The following PPP1R12B variants were observed in gnomAD, a reference collection of about 807,000 sequenced individuals.
The protein encoded by PPP1R12B is protein phosphatase 1 regulatory subunit 12B.
A neutral mutation model predicts 126.1 loss-of-function variants in PPP1R12B; 76 were observed. That is an observed-to-expected ratio of 0.60 (90% CI 0.50 to 0.73). PPP1R12B has a LOEUF of 0.73. Among genes scored for constraint, PPP1R12B ranks in the 30% least tolerant of loss-of-function variants. PPP1R12B has a pLI of 0.00. For missense variants in PPP1R12B, 1,052 were observed against 1,205.1 expected (o/e 0.87, Z 1.88); for synonymous variants, 356 against 434.7 (o/e 0.82, Z 2.25).
Position 202,449,165 on chromosome 1 carries a change from A to G in PPP1R12B, c.1844A>G (p.Lys615Arg). The change falls in exon 13 of 24, where the codon AAG becomes AGG. Residue 615 changes from lysine (K) to arginine (R), a missense_variant. By Grantham distance (26) the Lys-to-Arg change is conservative (BLOSUM62 2). Coordinates refer to ENST00000608999, the MANE Select transcript of PPP1R12B (RefSeq NM_002481.4). ...GTDSSVEAREKRRSYLTPVRD... is the reference protein window; with the variant it reads ...GTDSSVEARERRRSYLTPVRD... ...GATTCCTCTGTGGAAGCCAGGGAGAAGAGGAGGTATGTTGAGTTACTGATT... is the reference window on the plus strand; with the variant it reads ...GATTCCTCTGTGGAAGCCAGGGAGAGGAGGAGGTATGTTGAGTTACTGATT... 1 of 1,599,688 alleles carries G rather than the reference A, an allele frequency of 6.3e-7. No individual in the cohort carries two copies. Among genetic ancestry groups the G allele is most frequent in the Non-Finnish European group, 8.5e-7 (1 of 1,171,950 alleles).
chr1:202,577,768 C>T (rs1382615155), intron 23 of PPP1R12B, among the ~76,000 whole-genome samples: 2 of 152,094 alleles, frequency 1.3e-5, no homozygotes, highest in African/African-American at 2.4e-5. Flanking sequence ...CTTTAGGACC[C>T]CTGTAGCCCC....
At chr1:202,420,677 G>T (rs1335817162) in intron 2 of PPP1R12B, among the ~76,000 whole-genome samples, 1 of 152,140 alleles carries the variant, frequency 6.6e-6, no homozygotes, top group Non-Finnish European at 1.5e-5. Context: ...TTGAATATGT[G>T]GAAATGAAGG....
At chr1:202,561,442 G>A (rs1008635517) in intron 19 of PPP1R12B, among the ~76,000 whole-genome samples, 7 of 151,412 alleles carry the variant, frequency 4.6e-5, no homozygotes, top group South Asian at 4.2e-4. Flanking sequence ...AGATGTCCAC[G>A]GTCATAGTGG....
At chr1:202,512,531 A>G (rs1192340039) in intron 18 of PPP1R12B, among the ~76,000 whole-genome samples, 1 of 152,220 alleles carries the variant, frequency 6.6e-6, no homozygotes, top group Admixed American at 6.5e-5. Context: ...TGGAAAAGTA[A>G]TTTAACCTCT....
In PPP1R12B at chr1:202,349,205, G is replaced by C. The variant is rs563978654; in HGVS notation, c.291+63G>C. On this transcript the variant is annotated intron_variant, in intron 1 of 23. Coordinates refer to ENST00000608999, the MANE Select transcript of PPP1R12B (RefSeq NM_002481.4). ...TACAGATGAGCCTTTGACCCTGCGA[G>C]CCACCCCATGGGGAGTATCAGTGTT... The C allele has an allele frequency of 6.7e-4, 1,067 of 1,581,494 alleles. 5 individuals carry two copies. The African/African-American group carries it at 0.01, about 15-fold the overall frequency.
chr1:202,390,103 G>C (rs1663894869), intron 1 of PPP1R12B, among the ~76,000 whole-genome samples: 1 of 152,102 alleles, frequency 6.6e-6, no homozygotes, highest in African/African-American at 2.4e-5. Context: ...GTACATCAAT[G>C]GAATAGAATT....
intron 1 of PPP1R12B, among the ~76,000 whole-genome samples, chr1:202,355,114 AG>A (rs1656828317): frequency 6.6e-6 from 1 of 151,984 alleles, no homozygotes; most frequent in Admixed American, 6.6e-5. Flanking sequence ...CATGTTGGCC[AG>A]GCTGGTCTTG....
At chr1:202,360,371 T>TA (rs1005374998) in intron 1 of PPP1R12B, among the ~76,000 whole-genome samples, 3 of 152,146 alleles carry the variant, frequency 2.0e-5, no homozygotes, top group African/African-American at 7.2e-5. Flanking sequence ...CACAAGAAGC[T>TA]CCTTGTATTG....
At chr1:202,475,571 A>C (rs1676525941) in intron 13 of PPP1R12B, among the ~76,000 whole-genome samples, 1 of 152,246 alleles carries the variant, frequency 6.6e-6, no homozygotes, top group South Asian at 2.1e-4. Flanking sequence ...GTGCAATATA[A>C]GAAAAGCTGT....
chr1:202,370,640 G>A (rs1660059772), intron 1 of PPP1R12B, among the ~76,000 whole-genome samples: 2 of 151,868 alleles, frequency 1.3e-5, no homozygotes, highest in South Asian at 2.1e-4. Flanking sequence ...GGGTTCAAGC[G>A]ATTCTCCTGC....
At chr1:202,382,174 C>CA (rs1375667457) in intron 1 of PPP1R12B, among the ~76,000 whole-genome samples, 2 of 147,460 alleles carry the variant, frequency 1.4e-5, no homozygotes, top group Non-Finnish European at 3.0e-5. Context: ...GTGGCAAGGA[C>CA]AAAAAACCAA....
intron 18 of PPP1R12B, among the ~76,000 whole-genome samples, chr1:202,545,668 T>C (rs1558355945): frequency 6.6e-6 from 1 of 152,128 alleles, no homozygotes; most frequent in Non-Finnish European, 1.5e-5. Flanking sequence ...AATCAAGAAT[T>C]AGAACACCAG....
intron 1 of PPP1R12B, among the ~76,000 whole-genome samples, chr1:202,414,979 G>A (rs184436491): frequency 6.6e-6 from 1 of 152,014 alleles, no homozygotes; most frequent in Non-Finnish European, 1.5e-5. Flanking sequence ...GATGGGGTCT[G>A]TGTTGCTCAG....
At chr1:202,538,393 G>T (rs951416289) in intron 18 of PPP1R12B, among the ~76,000 whole-genome samples, 1 of 152,190 alleles carries the variant, frequency 6.6e-6, no homozygotes, top group Non-Finnish European at 1.5e-5. Context: ...TAATAAAGGG[G>T]TTCTGATTCA....
At chr1:202,548,271 C>T (rs552262212) in intron 18 of PPP1R12B, among the ~76,000 whole-genome samples, 111 of 152,088 alleles carry the variant, frequency 7.3e-4, no homozygotes, top group African/African-American at 2.5e-3. Flanking sequence ...AGAGAGATGA[C>T]GACAACAAAA....
chr1:202,492,983 T>C (rs1679087301), intron 14 of PPP1R12B, 131 bp from the exon 15 acceptor site: 1 of 892,160 alleles, frequency 1.1e-6, no homozygotes, highest in African/African-American at 1.7e-5. Flanking sequence ...TGAAGTGGCC[T>C]CATTATGCAT....
intron 8 of PPP1R12B, among the ~76,000 whole-genome samples, chr1:202,432,642 C>G (rs1412691990): frequency 6.6e-6 from 1 of 152,122 alleles, no homozygotes; most frequent in East Asian, 1.9e-4. Flanking sequence ...CATGGTCAGA[C>G]CAACAAGCTA....
chr1:202,381,434 G>GTGTGTGTGTGTATA, intron 1 of PPP1R12B, among the ~76,000 whole-genome samples: 1 of 131,232 alleles, frequency 7.6e-6, no homozygotes, highest in South Asian at 2.4e-4. Flanking sequence ...GTGTGTGTGT[G>GTGTGTGTGTGTATA]TGTATCATCC....
intron 1 of PPP1R12B, among the ~76,000 whole-genome samples, chr1:202,351,184 A>G (rs1015268737): frequency 1.3e-5 from 2 of 151,532 alleles, no homozygotes; most frequent in African/African-American, 2.4e-5. Context: ...AAGAGTTACA[A>G]TGTGTGTCTC....
Sources: allele counts gnomAD v4.1 joint callset (sites outside exome capture counted in the v4.1 genomes callset), GRCh38; gene constraint gnomAD v4.1.1; transcripts MANE v1.5; gene names NCBI Gene and HGNC (gene_info 2026-07-23, HGNC 2026-07-21).